Variants in CLEC9A observed in about 807,000 individuals in gnomAD.
CLEC9A encodes C-type lectin domain family 9 member A.
A neutral mutation model predicts 30.0 loss-of-function variants in CLEC9A; 24 were observed. The observed-to-expected ratio is 0.80, with a 90% confidence interval of 0.58 to 1.13. CLEC9A has a LOEUF of 1.13. Ranked by LOEUF, CLEC9A falls within the 50% of genes most tolerant of loss-of-function variation. CLEC9A has a pLI of 0.00. For missense variants in CLEC9A, 251 were observed against 280.9 expected (o/e 0.89, Z 0.76); for synonymous variants, 111 against 96.8 (o/e 1.15, Z -0.86).
chr12:10,032,322 G>C (rs1475394520), intron 1 of CLEC9A, among the ~76,000 whole-genome samples: 1 of 150,896 alleles, frequency 6.6e-6, no homozygotes, highest in Non-Finnish European at 1.5e-5. Context: ...CAAAGATCCC[G>C]TAACATAATC....
Position 10,065,765 on chromosome 12 carries a change from C to A in CLEC9A, c.*133C>A. ...GCCATGAAATTAGCAACCTGGGACTCAATAATACACTTGGGAATATTCTTC... is the reference window on the plus strand; with the variant it reads ...GCCATGAAATTAGCAACCTGGGACTAAATAATACACTTGGGAATATTCTTC... On this transcript the variant is annotated 3_prime_UTR_variant, in exon 9 of 9. Transcript: ENST00000355819. The A allele has an allele frequency of 2.4e-6, 2 of 823,766 alleles. No homozygotes were observed. The highest frequency in any genetic ancestry group is 3.8e-6 in the Non-Finnish European group (2 of 526,418). The allele number at this position is 823,766 out of a possible 1,614,324, so 51.0% of individuals were successfully genotyped here.
At chr12:10,060,892 T>G in intron 5 of CLEC9A, 1 of 383,310 alleles carries the variant, frequency 2.6e-6, no homozygotes, top group South Asian at 3.7e-5. Flanking sequence ...GTAAATCTGG[T>G]TGTTTGGGGG....
At position 10,051,184 on chromosome 12, in the gene CLEC9A, G is replaced by A. The variant is rs560644502; in HGVS notation, c.-162-807G>A. 8.0e-5 allele frequency among the ~76,000 whole-genome samples: 12 copies of A among 150,392 alleles called. 1 individual carries two copies. Among genetic ancestry groups the A allele is most frequent in the Middle Eastern group, 3.4e-3 (1 of 292 alleles). ...AGGGCCACAGCACTCCAGCCTGGGC[G>A]ACAAGAGTGAAACTCTGTCTAAAAA... is the stretch of plus-strand genomic sequence containing the variant. On this transcript the variant is annotated intron_variant, in intron 2 of 8. Transcript: ENST00000355819.
In CLEC9A at chr12:10,054,318, T is replaced by A. The variant is rs1865921138; in HGVS notation, c.139T>A (p.Leu47Ile). 6.2e-7 allele frequency: 1 copy of A among 1,613,222 alleles called. No individual in the cohort carries two copies. The highest frequency in any genetic ancestry group is 8.5e-7 in the Non-Finnish European group (1 of 1,179,440). Residue 47 changes from leucine (L) to isoleucine (I), a missense_variant, in exon 5 of 9, where the codon TTA becomes ATA. Physicochemically the swap from Leu to Ile is conservative, Grantham distance 5. Transcript: ENST00000355819. ...MVISCVFCMG[L>I]LTASIFLGVK... ...GATTTCATGTGTTTTCTGCATGGGA[T>A]TATTAACAGCATCCATTTTCTTGGG...
In CLEC9A at chr12:10,052,700, G is replaced by A; in HGVS notation, c.13G>A (p.Glu5Lys). 6.2e-7 allele frequency: 1 copy of A among 1,613,722 alleles called. No homozygotes were observed. Among genetic ancestry groups the A allele is most frequent in the South Asian group, 1.1e-5 (1 of 91,046 alleles). The change falls in exon 4 of 9, where the codon GAA becomes AAA. Residue 5 changes from glutamate to lysine, a missense_variant. Coordinates refer to ENST00000355819, the MANE Select transcript of CLEC9A (RefSeq NM_207345.4). MHEE[E>K]IYTSLQWDSP... ...AAGCACCTTAGACATGCACGAGGAA[G>A]AAATATACACCTCTCTTCAGTGGGA...
chr12:10,054,329 A>C lies in CLEC9A; in HGVS notation c.150A>C (p.Ala50=). Residue 50 remains alanine (A), a synonymous_variant, in exon 5 of 9, where the codon GCA becomes GCC. Coordinates refer to ENST00000355819, the MANE Select transcript of CLEC9A (RefSeq NM_207345.4). The stretch of plus-strand genomic sequence containing the variant: ...TTTTCTGCATGGGATTATTAACAGC[A>C]TCCATTTTCTTGGGCGTCAAGTGTA... ...SCVFCMGLLT[A]SIFLGVKLLQ... 1 of 1,612,526 alleles carries C rather than the reference A, an allele frequency of 6.2e-7. No homozygotes were observed. The highest frequency in any genetic ancestry group is 8.5e-7 in the Non-Finnish European group (1 of 1,178,882).
chr12:10,061,381 A>G, intron 6 of CLEC9A, 108 bp downstream of exon 6: 2 of 1,148,472 alleles, frequency 1.7e-6, no homozygotes, highest in Non-Finnish European at 2.4e-6. Flanking sequence ...TTAGGATTTT[A>G]TAATAAGAGT....
intron 2 of CLEC9A, among the ~76,000 whole-genome samples, chr12:10,050,195 T>A (rs1161530794): frequency 1.3e-5 from 2 of 152,216 alleles, no homozygotes; most frequent in Non-Finnish European, 2.9e-5. Context: ...ATATAGTTCA[T>A]GGTGGGTCCC....
At chr12:10,048,018 G>C (rs1444943512) in intron 2 of CLEC9A, among the ~76,000 whole-genome samples, 2 of 151,650 alleles carry the variant, frequency 1.3e-5, no homozygotes, top group African/African-American at 4.8e-5. Flanking sequence ...TGGATCATGA[G>C]GTCAGGAGAT....
At chr12:10,050,062 A>G (rs1055721136) in intron 2 of CLEC9A, among the ~76,000 whole-genome samples, 1 of 152,198 alleles carries the variant, frequency 6.6e-6, no homozygotes, top group East Asian at 1.9e-4. Flanking sequence ...GTTAGGTCTC[A>G]GGGAATATAA....
intron 1 of CLEC9A, among the ~76,000 whole-genome samples, chr12:10,040,075 G>A (rs748496284): frequency 3.9e-5 from 6 of 152,106 alleles, no homozygotes; most frequent in Non-Finnish European, 7.4e-5. Context: ...TGCCAGCCTC[G>A]GCCTCTCAAA....
intron 2 of CLEC9A, among the ~76,000 whole-genome samples, chr12:10,043,670 G>GTATATA (rs60284724): frequency 1.4e-5 from 2 of 146,148 alleles, no homozygotes; most frequent in African/African-American, 5.1e-5. Flanking sequence ...GCATATATAT[G>GTATATA]TATATATATA....
intron 2 of CLEC9A, among the ~76,000 whole-genome samples, chr12:10,045,243 C>T (rs942096957): frequency 6.6e-6 from 1 of 152,148 alleles, no homozygotes; most frequent in Non-Finnish European, 1.5e-5. Context: ...TTTGGGGCTC[C>T]TATTGTACTA....
intron 2 of CLEC9A, among the ~76,000 whole-genome samples, chr12:10,046,538 T>G (rs922053432): frequency 2.0e-5 from 3 of 152,258 alleles, no homozygotes; most frequent in African/African-American, 7.2e-5. Flanking sequence ...TGCTTCTTGC[T>G]GAATAACTCA....
chr12:10,037,498 G>C (rs917361907), intron 1 of CLEC9A, among the ~76,000 whole-genome samples: 2 of 149,620 alleles, frequency 1.3e-5, no homozygotes, highest in African/African-American at 2.5e-5. Flanking sequence ...CGACTATGAA[G>C]AGGCCACCAT....
intron 6 of CLEC9A, among the ~76,000 whole-genome samples, chr12:10,062,540 A>G (rs1353162583): frequency 2.0e-5 from 3 of 152,222 alleles, no homozygotes; most frequent in Non-Finnish European, 1.5e-5. Context: ...CCTCACCTGC[A>G]TGTTTTCAAA....
At chr12:10,034,656 G>T (rs958469804) in intron 1 of CLEC9A, among the ~76,000 whole-genome samples, 3 of 152,162 alleles carry the variant, frequency 2.0e-5, no homozygotes, top group Non-Finnish European at 4.4e-5. Context: ...TATGAAATGG[G>T]AAAAGTTCTC....
rs1027262705 is a variant in CLEC9A, at chr12:10,061,173, C to T, written c.219C>T (p.Ile73=). 11 of 1,612,866 alleles carry T rather than the reference C, an allele frequency of 6.8e-6. No homozygotes were observed. The highest frequency in any genetic ancestry group is 9.3e-6 in the Non-Finnish European group (11 of 1,179,618). The part of the protein sequence containing the change: ...TIAMQQQEKL[I]QQERALLNFT... ...CGATGCAGCAGCAAGAAAAACTCAT[C>T]CAACAAGAGAGGGCACTGCTAAACT... Residue 73 remains isoleucine, a synonymous_variant, in exon 6 of 9, where the codon ATC becomes ATT. Transcript: ENST00000355819.
intron 1 of CLEC9A, among the ~76,000 whole-genome samples, chr12:10,034,846 G>A (rs969635196): frequency 3.9e-5 from 6 of 152,170 alleles, no homozygotes; most frequent in Non-Finnish European, 5.9e-5. Context: ...TAGTTTAGCC[G>A]TCCATAGGTG....
Sources: allele counts gnomAD v4.1 joint callset (sites outside exome capture counted in the v4.1 genomes callset), GRCh38; gene constraint gnomAD v4.1.1; transcripts MANE v1.5; gene names NCBI Gene and HGNC (gene_info 2026-07-23, HGNC 2026-07-21).